The following MARK1 variants were observed in gnomAD, a reference collection of about 807,000 sequenced individuals.
The protein encoded by MARK1 is microtubule affinity regulating kinase 1, also known as serine/threonine-protein kinase MARK1.
Under a neutral mutation model 96.3 loss-of-function variants are expected in MARK1, and 40 were observed. That is an observed-to-expected ratio of 0.42 (90% CI 0.32 to 0.54). MARK1 has a LOEUF of 0.54. MARK1 is among the 20% of genes least tolerant of loss of function. The pLI is 0.16. For missense variants in MARK1, 719 were observed against 984.6 expected, an observed-to-expected ratio of 0.73 and a Z score of 3.61; for synonymous variants, 317 against 341.2, an observed-to-expected ratio of 0.93 and a Z score of 0.78.
chr1:220,660,311 T>C (rs917890854), intron 17 of MARK1, among the ~76,000 whole-genome samples: 3 of 152,218 alleles, frequency 2.0e-5, no homozygotes, highest in South Asian at 4.1e-4. Flanking sequence ...TCCATACTTA[T>C]TAATGGTCTT....
Position 220,631,860 on chromosome 1 carries a change from A to G in MARK1, c.1010-341A>G, listed in dbSNP as rs145012033. On this transcript the variant is annotated intron_variant, in intron 10 of 17. Coordinates refer to ENST00000366917, the MANE Select transcript of MARK1 (RefSeq NM_018650.5). Reference sequence around the variant, plus strand: ...CCACTTCACTAGTAGCTGAGGACGAATTGAGAGAAAGACAGAGAATTTTGT... The same window carrying G: ...CCACTTCACTAGTAGCTGAGGACGAGTTGAGAGAAAGACAGAGAATTTTGT... Among the ~76,000 whole-genome samples the G allele has an allele frequency of 1.1e-3, 168 of 152,324 alleles. 2 individuals are homozygous for G. The Middle Eastern group carries it at 0.014, about 12-fold the overall frequency.
chr1:220,556,485 C>CAAAAAAA (rs55808704), intron 1 of MARK1, among the ~76,000 whole-genome samples: 33 of 85,728 alleles, frequency 3.8e-4, no homozygotes, highest in Non-Finnish European at 4.5e-4. Flanking sequence ...GGGACTGTCA[C>CAAAAAAA]AAAAAAAAAA....
chr1:220,597,129 ACT>A (rs1236505532), intron 3 of MARK1, among the ~76,000 whole-genome samples: 2 of 151,808 alleles, frequency 1.3e-5, no homozygotes, highest in Non-Finnish European at 2.9e-5. Flanking sequence ...CTGTTGATAG[ACT>A]CTGGTTGCGG....
At chr1:220,656,758 T>C (rs1669199371) in intron 16 of MARK1, among the ~76,000 whole-genome samples, 1 of 152,154 alleles carries the variant, frequency 6.6e-6, no homozygotes, top group African/African-American at 2.4e-5. Context: ...GAGAATACAT[T>C]TTAGTATTCT....
At chr1:220,531,511 T>C (rs1456859770) in intron 1 of MARK1, among the ~76,000 whole-genome samples, 1 of 152,176 alleles carries the variant, frequency 6.6e-6, no homozygotes, top group African/African-American at 2.4e-5. Flanking sequence ...CCATATAACG[T>C]ATTTGGATTT....
intron 1 of MARK1, among the ~76,000 whole-genome samples, chr1:220,553,603 C>G (rs1380176885): frequency 6.6e-6 from 1 of 152,142 alleles, no homozygotes; most frequent in Non-Finnish European, 1.5e-5. Flanking sequence ...GCAGTGCATG[C>G]CCAACTTTTT....
intron 9 of MARK1, among the ~76,000 whole-genome samples, chr1:220,625,315 TATTC>T (rs1667265078): frequency 6.6e-6 from 1 of 152,230 alleles, no homozygotes. Context: ...GACGAGGTTT[TATTC>T]ATTCAATTTA....
intron 14 of MARK1, 147 bp downstream of exon 14, chr1:220,650,867 T>C (rs7547630): frequency 0.018 from 9,959 of 559,744 alleles, 170 homozygotes; most frequent in Middle Eastern, 0.054. Context: ...TAGTAAGACA[T>C]CTTTCCTGTA....
At chr1:220,650,481 C>T (rs994751947) in intron 13 of MARK1, 139 bp from the exon 14 acceptor site, 7 of 579,632 alleles carry the variant, frequency 1.2e-5, no homozygotes, top group African/African-American at 7.6e-5. Flanking sequence ...TAGAGAGAGG[C>T]AGGGGATAAT....
chr1:220,652,578 C>T (rs1246571058), intron 15 of MARK1, among the ~76,000 whole-genome samples: 1 of 152,074 alleles, frequency 6.6e-6, no homozygotes, highest in African/African-American at 2.4e-5. Flanking sequence ...ACTCAAAGAG[C>T]CTGTTCAGAT....
chr1:220,547,628 G>A (rs767262835), intron 1 of MARK1, among the ~76,000 whole-genome samples: 2 of 151,940 alleles, frequency 1.3e-5, no homozygotes, highest in African/African-American at 4.8e-5. Context: ...GCAGTGGTGC[G>A]ATCTCAGCTC....
At chr1:220,562,714 A>G (rs1043084346) in intron 1 of MARK1, among the ~76,000 whole-genome samples, 1 of 152,184 alleles carries the variant, frequency 6.6e-6, no homozygotes, top group African/African-American at 2.4e-5. Flanking sequence ...GTCCCTTTAT[A>G]TAATATGGCA....
At chr1:220,558,919 T>G (rs1217677889) in intron 1 of MARK1, among the ~76,000 whole-genome samples, 2 of 152,122 alleles carry the variant, frequency 1.3e-5, no homozygotes, top group Non-Finnish European at 2.9e-5. Context: ...GGATGAAAAT[T>G]TATTACCCTA....
intron 1 of MARK1, among the ~76,000 whole-genome samples, chr1:220,558,170 A>G (rs992666141): frequency 8.8e-5 from 13 of 147,442 alleles, no homozygotes; most frequent in African/African-American, 3.2e-4. Context: ...TAATAATAAT[A>G]ATAATAATAT....
intron 1 of MARK1, among the ~76,000 whole-genome samples, chr1:220,547,877 A>G (rs1661609044): frequency 6.6e-6 from 1 of 152,100 alleles, no homozygotes; most frequent in Admixed American, 6.6e-5. Flanking sequence ...CTGTACTGTG[A>G]TTTTCTTAAG....
chr1:220,601,475 C>T (rs1665747571), intron 5 of MARK1, among the ~76,000 whole-genome samples: 1 of 152,098 alleles, frequency 6.6e-6, no homozygotes, highest in African/African-American at 2.4e-5. Context: ...AATGAATCTA[C>T]AGATACCACA....
intron 3 of MARK1, among the ~76,000 whole-genome samples, chr1:220,591,944 C>G (rs1665011324): frequency 6.6e-6 from 1 of 151,854 alleles, no homozygotes; most frequent in Non-Finnish European, 1.5e-5. Context: ...TTGCATTTAT[C>G]TTGCCCACAC....
chr1:220,547,597 C>T (rs1661588841), intron 1 of MARK1, among the ~76,000 whole-genome samples: 1 of 152,008 alleles, frequency 6.6e-6, no homozygotes, highest in South Asian at 2.1e-4. Context: ...TGGAGTCTCA[C>T]TCTGCCACCC....
intron 1 of MARK1, among the ~76,000 whole-genome samples, chr1:220,559,560 A>G (rs1273208160): frequency 6.6e-6 from 1 of 152,252 alleles, no homozygotes; most frequent in Non-Finnish European, 1.5e-5. Flanking sequence ...GAGCATGTTT[A>G]TATGCTATTG....
Sources: gnomAD v4.1 joint callset for allele counts (sites outside exome capture counted in the v4.1 genomes callset) on GRCh38, gnomAD v4.1.1 for gene constraint, MANE v1.5 for transcripts, NCBI Gene and HGNC (gene_info 2026-07-23, HGNC 2026-07-21) for gene names.